Variants in OXR1 observed in about 807,000 individuals in gnomAD.
OXR1 encodes the protein oxidation resistance 1.
In OXR1, 41 loss-of-function variants were observed where a neutral mutation model predicts 104.6. The observed-to-expected ratio is 0.39, with a 90% CI of 0.31 to 0.51. The LOEUF (loss-of-function observed/expected upper bound fraction) is 0.51. Ranked by LOEUF, OXR1 falls within the 20% of genes least tolerant of loss-of-function variation. The pLI is 0.77. For missense variants in OXR1, 955 were observed against 1,031.9 expected, an observed-to-expected ratio of 0.93 and a Z score of 1.02; for synonymous variants, 348 against 348.4, an observed-to-expected ratio of 1.00 and a Z score of 0.01.
At chr8:106,494,381 A>G (rs1411194314) in intron 2 of OXR1, among the ~76,000 whole-genome samples, 1 of 152,094 alleles carries the variant, frequency 6.6e-6, no homozygotes, top group Non-Finnish European at 1.5e-5. Context: ...GCTTTTCCCT[A>G]TTTTTTAAAG....
intron 3 of OXR1, among the ~76,000 whole-genome samples, chr8:106,584,191 A>G (rs1818455103): frequency 6.6e-6 from 1 of 152,064 alleles, no homozygotes; most frequent in African/African-American, 2.4e-5. Flanking sequence ...TTTGAAGGAA[A>G]TGTTTCTGAA....
chr8:106,456,132 T>TA (rs1820583803), intron 2 of OXR1, among the ~76,000 whole-genome samples: 1 of 152,176 alleles, frequency 6.6e-6, no homozygotes, highest in African/African-American at 2.4e-5. Flanking sequence ...TAGAATTAAA[T>TA]AAAAAACTTT....
chr8:106,340,751 T>TTGAA (rs1414962805), intron 1 of OXR1, among the ~76,000 whole-genome samples: 1 of 152,234 alleles, frequency 6.6e-6, no homozygotes, highest in Non-Finnish European at 1.5e-5. Context: ...CAAATATGTG[T>TTGAA]TGAATGAATG....
intron 1 of OXR1, among the ~76,000 whole-genome samples, chr8:106,325,053 T>C (rs1503554): frequency 0.23 from 34,644 of 152,102 alleles, 5,740 homozygotes; most frequent in African/African-American, 0.47. Flanking sequence ...AAAAAAGATG[T>C]ATTTATCTTC....
chr8:106,401,567 G>A (rs117944328), intron 2 of OXR1, among the ~76,000 whole-genome samples: 50 of 152,142 alleles, frequency 3.3e-4, no homozygotes, highest in Non-Finnish European at 1.9e-4. Context: ...CAGCTTTTTC[G>A]GTCACTCAGT....
chr8:106,712,877 T>C (rs150248440), intron 10 of OXR1, among the ~76,000 whole-genome samples: 1 of 152,174 alleles, frequency 6.6e-6, no homozygotes, highest in East Asian at 1.9e-4. Flanking sequence ...TTTCTCATTA[T>C]TCTTGGTTTT....
At chr8:106,482,981 T>C (rs1822227377) in intron 2 of OXR1, among the ~76,000 whole-genome samples, 1 of 152,082 alleles carries the variant, frequency 6.6e-6, no homozygotes, top group Non-Finnish European at 1.5e-5. Context: ...ACCGAACATG[T>C]GAAAGTGCTT....
At chr8:106,436,063 A>G (rs1819553162) in intron 2 of OXR1, among the ~76,000 whole-genome samples, 1 of 152,094 alleles carries the variant, frequency 6.6e-6, no homozygotes, top group Non-Finnish European at 1.5e-5. Flanking sequence ...TAAAATAATC[A>G]TCTCTTTTAG....
chr8:106,710,570 C>A, intron 9 of OXR1, 52 bp from the exon 10 acceptor site: 1 of 1,265,774 alleles, frequency 7.9e-7, no homozygotes, highest in Admixed American at 2.7e-5. Context: ...ACTAAACTAC[C>A]TAAACTTGGT....
intron 1 of OXR1, among the ~76,000 whole-genome samples, chr8:106,353,133 C>T (rs905940444): frequency 2.0e-5 from 3 of 152,074 alleles, no homozygotes; most frequent in Non-Finnish European, 2.9e-5. Flanking sequence ...GATCATCTGA[C>T]GTCAGAAATT....
In OXR1 at chr8:106,713,998, A is replaced by T; in HGVS notation, c.1956+13A>T. ...CAGAGAATGGGAGGTAAGGAGAAAA[A>T]TATGAAGATTTTAGTCATCTTTTTA... is the stretch of plus-strand genomic sequence containing the variant. On this transcript the variant is annotated intron_variant, in intron 11 of 16. Coordinates refer to ENST00000517566, the MANE Select transcript of OXR1 (RefSeq NM_001198533.2). 2 of 1,550,186 alleles carry T rather than the reference A, an allele frequency of 1.3e-6. No individual in the cohort carries two copies. Among genetic ancestry groups the T allele is most frequent in the East Asian group, 4.8e-5 (2 of 41,640 alleles).
At chr8:106,280,954 T>C (rs1015455913) in intron 1 of OXR1, among the ~76,000 whole-genome samples, 3 of 152,090 alleles carry the variant, frequency 2.0e-5, no homozygotes, top group Non-Finnish European at 4.4e-5. Flanking sequence ...GACAGAGAAG[T>C]TGACCAGAGA....
intron 2 of OXR1, among the ~76,000 whole-genome samples, chr8:106,390,487 G>A (rs1035706062): frequency 7.2e-5 from 11 of 152,012 alleles, no homozygotes; most frequent in African/African-American, 1.9e-4. Flanking sequence ...TGTTATTATC[G>A]CCTACTTTAT....
At chr8:106,724,959 T>C (rs1035599893) in intron 11 of OXR1, among the ~76,000 whole-genome samples, 9 of 152,182 alleles carry the variant, frequency 5.9e-5, no homozygotes, top group Admixed American at 5.2e-4. Context: ...GCTTTCAAAA[T>C]GCTGCTTCCA....
At chr8:106,374,427 A>C (rs1368325794) in intron 2 of OXR1, among the ~76,000 whole-genome samples, 1 of 152,204 alleles carries the variant, frequency 6.6e-6, no homozygotes, top group African/African-American at 2.4e-5. Flanking sequence ...TTAATTGTTC[A>C]ATACCATCTA....
At position 106,686,381 on chromosome 8, in the gene OXR1, AT is replaced by A. The variant is rs558971915; in HGVS notation, c.525+2023del. On this transcript the variant is annotated intron_variant, in intron 6 of 16. Coordinates refer to ENST00000517566, the MANE Select transcript of OXR1 (RefSeq NM_001198533.2). ...CCTGCCATCAAAGAGATTATGGGCA[AT>A]AGTTAGAAATAATTCTTACAACAGT... Among the ~76,000 whole-genome samples the A allele has an allele frequency of 5.3e-5, 8 of 151,956 alleles. No individual in the cohort carries two copies. In the South Asian group the frequency reaches 1.2e-3, roughly 24 times the overall value.
At chr8:106,365,275 G>A (rs1305959426) in intron 2 of OXR1, among the ~76,000 whole-genome samples, 2 of 152,016 alleles carry the variant, frequency 1.3e-5, no homozygotes, top group Non-Finnish European at 2.9e-5. Flanking sequence ...ATGAATGACT[G>A]TTTCATTACG....
chr8:106,638,944 T>A (rs900384406), intron 3 of OXR1, among the ~76,000 whole-genome samples: 17 of 148,372 alleles, frequency 1.1e-4, no homozygotes, highest in Non-Finnish European at 2.1e-4. Flanking sequence ...CAAAAAAAAA[T>A]TCAGTTTAAA....
chr8:106,694,533 A>ATATATATTTGATATATAAATATGTTTT (rs1829665609), intron 7 of OXR1, among the ~76,000 whole-genome samples: 1 of 131,286 alleles, frequency 7.6e-6, no homozygotes, highest in Non-Finnish European at 1.6e-5. Flanking sequence ...AAATATGTTT[A>ATATATATTTGATATATAAATATGTTTT]TATATATTTG....
Sources: gnomAD v4.1 joint callset for allele counts (sites outside exome capture counted in the v4.1 genomes callset) on GRCh38, gnomAD v4.1.1 for gene constraint, MANE v1.5 for transcripts, NCBI Gene and HGNC (gene_info 2026-07-23, HGNC 2026-07-21) for gene names.